The following CNTNAP2 variants were observed in gnomAD, a reference collection of about 807,000 sequenced individuals.
CNTNAP2 encodes contactin associated protein 2.
CNTNAP2 carries 98 observed loss-of-function variants against 155.2 expected under a neutral mutation model. That is an observed-to-expected ratio of 0.63 (90% confidence interval 0.54 to 0.75). The LOEUF is 0.75. CNTNAP2 is among the 30% of genes least tolerant of loss of function. CNTNAP2 has a pLI of 0.00. For missense variants in CNTNAP2, 1,727 were observed against 1,688.1 expected, an observed-to-expected ratio of 1.02 and a Z score of -0.40; for synonymous variants, 651 against 631.2, an observed-to-expected ratio of 1.03 and a Z score of -0.47.
At chr7:147,735,468 C>A (rs1441056028) in intron 13 of CNTNAP2, among the ~76,000 whole-genome samples, 1 of 152,028 alleles carries the variant, frequency 6.6e-6, no homozygotes, top group African/African-American at 2.4e-5. Context: ...GGAGTAAGTG[C>A]AGTGTGGTGC....
At chr7:146,226,816 G>A (rs1406518188) in intron 1 of CNTNAP2, among the ~76,000 whole-genome samples, 1 of 151,424 alleles carries the variant, frequency 6.6e-6, no homozygotes, top group African/African-American at 2.4e-5. Flanking sequence ...AATGGTGAGG[G>A]GAAATTTTTA....
rs531156511 is a variant in CNTNAP2, at chr7:147,712,861, T to C, written c.2098+73555T>C. Among the ~76,000 whole-genome samples, 17 of 152,300 alleles carry C rather than the reference T, an allele frequency of 1.1e-4. No homozygotes were observed. In the South Asian group the frequency reaches 2.5e-3, roughly 22 times the overall value. ...ATACATATGTAACCAACCTGCACGT[T>C]GTGCACATGTACCCTAAAACTTAAA... On this transcript the variant is annotated intron_variant, in intron 13 of 23. Coordinates refer to ENST00000361727, the MANE Select transcript of CNTNAP2 (RefSeq NM_014141.6).
intron 1 of CNTNAP2, among the ~76,000 whole-genome samples, chr7:146,351,961 A>G (rs1794920856): frequency 6.6e-6 from 1 of 152,170 alleles, no homozygotes; most frequent in South Asian, 2.1e-4. Context: ...GACCTTGCTA[A>G]ATATTGGTCT....
chr7:147,098,766 C>A (rs1012093692), intron 4 of CNTNAP2, among the ~76,000 whole-genome samples: 20 of 152,144 alleles, frequency 1.3e-4, no homozygotes, highest in African/African-American at 4.3e-4. Flanking sequence ...AAAACACCTA[C>A]CGTGAAAAGA....
At chr7:147,520,576 C>T (rs1799213885) in intron 11 of CNTNAP2, among the ~76,000 whole-genome samples, 2 of 152,108 alleles carry the variant, frequency 1.3e-5, no homozygotes, top group South Asian at 2.1e-4. Flanking sequence ...ATTTAACTTC[C>T]GTGGAGGAGG....
In CNTNAP2 at chr7:146,929,830, A is replaced by G. The variant is rs1310290389; in HGVS notation, c.402+89926A>G. On this transcript the variant is annotated intron_variant, in intron 3 of 23. Transcript: ENST00000361727. ...GAGCCAATGCGATCAACCGGAAGAAAGGGTATCAGTGATGGAAGATGAAAT... is the reference window on the plus strand; with the variant it reads ...GAGCCAATGCGATCAACCGGAAGAAGGGGTATCAGTGATGGAAGATGAAAT... Among the ~76,000 whole-genome samples the G allele has an allele frequency of 7.2e-5, 11 of 152,230 alleles. 1 individual carries two copies. Among genetic ancestry groups the G allele is most frequent in the Non-Finnish European group, 1.6e-4 (11 of 68,046 alleles).
At chr7:146,284,599 G>A (rs889760229) in intron 1 of CNTNAP2, among the ~76,000 whole-genome samples, 3 of 152,116 alleles carry the variant, frequency 2.0e-5, no homozygotes, top group African/African-American at 7.2e-5. Context: ...TTGGTTAATT[G>A]TCAACCAAGA....
chr7:146,412,169 A>G (rs1406605180), intron 1 of CNTNAP2, among the ~76,000 whole-genome samples: 1 of 152,082 alleles, frequency 6.6e-6, no homozygotes, highest in African/African-American at 2.4e-5. Flanking sequence ...TGAGAATAGA[A>G]CAAAGCAGCC....
intron 4 of CNTNAP2, among the ~76,000 whole-genome samples, chr7:147,067,289 C>CAAAA (rs36080849): frequency 1.5e-5 from 1 of 67,964 alleles, no homozygotes; most frequent in African/African-American, 5.8e-5. Flanking sequence ...GACTCCGTCT[C>CAAAA]AAAAAAAAAA....
At chr7:148,035,876 C>G (rs1453739794) in intron 15 of CNTNAP2, among the ~76,000 whole-genome samples, 1 of 152,102 alleles carries the variant, frequency 6.6e-6, no homozygotes, top group African/African-American at 2.4e-5. Context: ...CTTTGAGGGC[C>G]CAACCTCAAC....
At chr7:146,951,001 TGG>T (rs1563017596) in intron 3 of CNTNAP2, among the ~76,000 whole-genome samples, 84 of 152,336 alleles carry the variant, frequency 5.5e-4, no homozygotes, top group African/African-American at 2.0e-3. Flanking sequence ...TGGCGTGAGA[TGG>T]TATCTCATCG....
At chr7:146,712,743 T>C (rs978483213) in intron 1 of CNTNAP2, among the ~76,000 whole-genome samples, 4 of 151,974 alleles carry the variant, frequency 2.6e-5, no homozygotes, top group African/African-American at 4.8e-5. Context: ...ATACACAACA[T>C]GCTTCATTTT....
intron 3 of CNTNAP2, among the ~76,000 whole-genome samples, chr7:146,890,395 T>C (rs1795751613): frequency 1.3e-5 from 2 of 152,172 alleles, no homozygotes; most frequent in African/African-American, 4.8e-5. Context: ...AGATGGAGAA[T>C]CCAGATCAGG....
chr7:148,119,387 A>G (rs1400924028), intron 16 of CNTNAP2, among the ~76,000 whole-genome samples: 3 of 149,758 alleles, frequency 2.0e-5, no homozygotes, highest in Non-Finnish European at 3.0e-5. Flanking sequence ...AAAATTAGCC[A>G]GGTGTGGTGG....
chr7:147,072,699 G>A (rs922011896), intron 4 of CNTNAP2, among the ~76,000 whole-genome samples: 1 of 152,050 alleles, frequency 6.6e-6, no homozygotes, highest in African/African-American at 2.4e-5. Flanking sequence ...TGTCAGTCTG[G>A]TTTTACCTGG....
chr7:146,205,396 C>T (rs1798930328), intron 1 of CNTNAP2, among the ~76,000 whole-genome samples: 1 of 151,784 alleles, frequency 6.6e-6, no homozygotes, highest in Non-Finnish European at 1.5e-5. Context: ...AACTGTAGAA[C>T]ATTGGAAACT....
Position 147,236,906 on chromosome 7 carries a change from C to T in CNTNAP2, c.1349-63235C>T, listed in dbSNP as rs574323208. 2.0e-5 allele frequency among the ~76,000 whole-genome samples: 3 copies of T among 152,108 alleles called. No individual in the cohort carries two copies. In the East Asian group the frequency reaches 5.8e-4, roughly 29 times the overall value. Reference sequence around the variant, plus strand: ...AGACTGATGTAAAAATAAACCTTACCCTGTGATTGCCATGCCCAAAATTCT... The same window carrying T: ...AGACTGATGTAAAAATAAACCTTACTCTGTGATTGCCATGCCCAAAATTCT... On this transcript the variant is annotated intron_variant, in intron 8 of 23. Coordinates refer to ENST00000361727, the MANE Select transcript of CNTNAP2 (RefSeq NM_014141.6).
chr7:147,622,813 T>C (rs1296564886), intron 12 of CNTNAP2, among the ~76,000 whole-genome samples: 2 of 151,534 alleles, frequency 1.3e-5, no homozygotes, highest in African/African-American at 2.4e-5. Context: ...AAGAAAACAA[T>C]ACAAAAGACC....
intron 21 of CNTNAP2, among the ~76,000 whole-genome samples, chr7:148,306,414 C>G (rs889197636): frequency 6.6e-6 from 1 of 152,136 alleles, no homozygotes; most frequent in Non-Finnish European, 1.5e-5. Context: ...GTTCTCTCTT[C>G]CCAGAATTTG....
Sources: gnomAD v4.1 joint callset for allele counts (sites outside exome capture counted in the v4.1 genomes callset) on GRCh38, gnomAD v4.1.1 for gene constraint, MANE v1.5 for transcripts, NCBI Gene and HGNC (gene_info 2026-07-23, HGNC 2026-07-21) for gene names.